Variants in ADAMTSL1 observed in about 807,000 individuals in gnomAD.
ADAMTSL1 encodes the protein ADAMTS-like protein 1.
In ADAMTSL1, 126 loss-of-function variants were observed where a neutral mutation model predicts 201.8. That is an observed-to-expected ratio of 0.62 (90% CI 0.54 to 0.72). The LOEUF is 0.72. Among genes scored for constraint, ADAMTSL1 ranks in the 30% least tolerant of loss-of-function variants. ADAMTSL1 has a pLI of 0.00. For synonymous variants in ADAMTSL1, 1,121 were observed against 903.4 expected (o/e 1.24, Z -4.32); for missense variants, 2,679 against 2,277.8 (o/e 1.18, Z -3.59).
intron 2 of ADAMTSL1, among the ~76,000 whole-genome samples, chr9:18,346,969 A>G (rs571183081): frequency 8.5e-5 from 13 of 152,258 alleles, no homozygotes; most frequent in African/African-American, 3.1e-4. Context: ...AGACATCTTC[A>G]GATTCCGAGA....
chr9:17,952,002 T>C (rs952412080), intron 1 of ADAMTSL1, among the ~76,000 whole-genome samples: 1 of 152,068 alleles, frequency 6.6e-6, no homozygotes, highest in African/African-American at 2.4e-5. Context: ...GGTCTCACTG[T>C]ATTGCCCAGG....
At chr9:18,107,296 A>G (rs1203787918) in intron 1 of ADAMTSL1, among the ~76,000 whole-genome samples, 1 of 152,152 alleles carries the variant, frequency 6.6e-6, no homozygotes, top group Non-Finnish European at 1.5e-5. Flanking sequence ...TTTTACATTG[A>G]TGGGCTCCAT....
chr9:18,207,588 T>A (rs566709634), intron 2 of ADAMTSL1, among the ~76,000 whole-genome samples: 2 of 152,332 alleles, frequency 1.3e-5, no homozygotes, highest in South Asian at 4.1e-4. Flanking sequence ...CAATAGAAGA[T>A]AAGAAGTTAA....
At chr9:18,123,711 T>C (rs1455437443) in intron 1 of ADAMTSL1, among the ~76,000 whole-genome samples, 1 of 152,172 alleles carries the variant, frequency 6.6e-6, no homozygotes, top group Admixed American at 6.6e-5. Context: ...CTGCATAATT[T>C]TAGAACATTG....
chr9:18,147,101 A>G (rs769171187), intron 1 of ADAMTSL1, among the ~76,000 whole-genome samples: 4 of 152,186 alleles, frequency 2.6e-5, no homozygotes, highest in Non-Finnish European at 4.4e-5. Context: ...AAGAAAACAC[A>G]GTCCCGTATT....
intron 19 of ADAMTSL1, among the ~76,000 whole-genome samples, chr9:18,792,692 A>C (rs540921781): frequency 4.7e-4 from 72 of 152,354 alleles, no homozygotes; most frequent in South Asian, 8.3e-4. Context: ...CTAAAGCTTT[A>C]AATCATAAAG....
intron 1 of ADAMTSL1, among the ~76,000 whole-genome samples, chr9:17,959,319 T>C (rs2131393842): frequency 6.6e-6 from 1 of 152,286 alleles, no homozygotes; most frequent in South Asian, 2.1e-4. Flanking sequence ...GTCTGCTATT[T>C]TGGCGTTTTT....
chr9:18,191,057 C>T (rs1407768882), intron 2 of ADAMTSL1, among the ~76,000 whole-genome samples: 2 of 152,148 alleles, frequency 1.3e-5, no homozygotes, highest in African/African-American at 2.4e-5. Flanking sequence ...GTAAAGGGAA[C>T]AGCAGAGGAC....
chr9:18,715,751 G>A (rs1246904463), intron 14 of ADAMTSL1, among the ~76,000 whole-genome samples: 1 of 151,478 alleles, frequency 6.6e-6, no homozygotes, highest in Non-Finnish European at 1.5e-5. Context: ...AAGTTCATAT[G>A]GAACCAAAAA....
chr9:18,695,829 T>C (rs1831516315), intron 13 of ADAMTSL1, among the ~76,000 whole-genome samples: 1 of 152,248 alleles, frequency 6.6e-6, no homozygotes, highest in African/African-American at 2.4e-5. Flanking sequence ...TCTGTATTAG[T>C]CTGTTCTCAC....
At chr9:18,180,519 C>T (rs1315875524) in intron 2 of ADAMTSL1, among the ~76,000 whole-genome samples, 8 of 117,840 alleles carry the variant, frequency 6.8e-5, no homozygotes, top group African/African-American at 2.3e-4. Context: ...GGTGACAGAG[C>T]GAGACTCCGT....
At position 18,908,739 on chromosome 9, in the gene ADAMTSL1, G is replaced by A. The variant is rs939171100; in HGVS notation, c.*191G>A. 9.1e-6 allele frequency: 5 copies of A among 549,426 alleles called. No homozygotes were observed. In the Admixed American group the frequency reaches 1.3e-4, roughly 14 times the overall value. 34.0% of individuals were successfully genotyped at this position (549,426 alleles called of 1,614,324 possible). On this transcript the variant is annotated 3_prime_UTR_variant, in exon 29 of 29. Coordinates refer to ENST00000380548, the MANE Select transcript of ADAMTSL1 (RefSeq NM_001040272.6). ...GCGTGTTTTCTCTTTCAGTTAGCTG[G>A]AGGACAGGATGTTGGGAAAGGAAAG...
At chr9:18,689,795 A>C (rs1831102268) in intron 13 of ADAMTSL1, among the ~76,000 whole-genome samples, 1 of 152,220 alleles carries the variant, frequency 6.6e-6, no homozygotes, top group Non-Finnish European at 1.5e-5. Flanking sequence ...CGCCAGGTGG[A>C]AAGCCTTAAT....
intron 1 of ADAMTSL1, among the ~76,000 whole-genome samples, chr9:18,498,956 T>G (rs1538999): frequency 0.59 from 89,071 of 152,184 alleles, 26,411 homozygotes; most frequent in African/African-American, 0.66. Flanking sequence ...GTGCAGTTAG[T>G]CGCCTTAACA....
chr9:18,161,731 C>A (rs983005944), intron 1 of ADAMTSL1, among the ~76,000 whole-genome samples: 2 of 152,010 alleles, frequency 1.3e-5, no homozygotes, highest in Admixed American at 1.3e-4. Context: ...ATGGTCAAGA[C>A]AGGCTTTGGA....
At chr9:18,854,667 C>G (rs1826730663) in intron 23 of ADAMTSL1, among the ~76,000 whole-genome samples, 1 of 152,080 alleles carries the variant, frequency 6.6e-6, no homozygotes, top group South Asian at 2.1e-4. Context: ...AGAGAAAGAG[C>G]TAGAGAAAAC....
chr9:18,171,885 G>C (rs1484144367), intron 2 of ADAMTSL1, among the ~76,000 whole-genome samples: 1 of 152,006 alleles, frequency 6.6e-6, no homozygotes, highest in African/African-American at 2.4e-5. Context: ...TCCAGTTTCA[G>C]CTTTCTGCAT....
chr9:18,244,380 A>G (rs968856372), intron 2 of ADAMTSL1, among the ~76,000 whole-genome samples: 9 of 152,026 alleles, frequency 5.9e-5, no homozygotes, highest in African/African-American at 1.7e-4. Flanking sequence ...AAAATTGTCT[A>G]CTACATTAAG....
chr9:18,219,410 C>T (rs893986492), intron 2 of ADAMTSL1, among the ~76,000 whole-genome samples: 2 of 151,202 alleles, frequency 1.3e-5, no homozygotes, highest in African/African-American at 4.9e-5. Flanking sequence ...GCTCTGTCGC[C>T]CAGGCTGAAG....
Sources: allele counts gnomAD v4.1 joint callset (sites outside exome capture counted in the v4.1 genomes callset), GRCh38; gene constraint gnomAD v4.1.1; transcripts MANE v1.5; gene names NCBI Gene and HGNC (gene_info 2026-07-23, HGNC 2026-07-21).